CPNE4: variants seen among roughly 807,000 people sequenced by gnomAD.
CPNE4 encodes copine 4, also known as copine-4.
A neutral mutation model predicts 67.9 loss-of-function variants in CPNE4; 25 were observed. The ratio of observed to expected loss-of-function variants is 0.37; its 90% CI spans 0.27 to 0.51. The LOEUF is 0.51. Ranked by LOEUF, CPNE4 falls within the 20% of genes least tolerant of loss-of-function variation. CPNE4 has a pLI of 0.93. For synonymous variants in CPNE4, 242 were observed against 244.9 expected (o/e 0.99, Z 0.11); for missense variants, 464 against 690.8 (o/e 0.67, Z 3.68).
chr3:131,813,380 A>AAT (rs937809943), intron 2 of CPNE4, among the ~76,000 whole-genome samples: 4 of 150,574 alleles, frequency 2.7e-5, no homozygotes, highest in Admixed American at 6.6e-5. Context: ...ACGTTTTTTA[A>AAT]ATATATATAT....
At chr3:131,837,347 T>C (rs2085597903) in intron 2 of CPNE4, among the ~76,000 whole-genome samples, 1 of 152,146 alleles carries the variant, frequency 6.6e-6, no homozygotes, top group South Asian at 2.1e-4. Flanking sequence ...TATCATGAGA[T>C]ATTACACAGC....
intron 2 of CPNE4, among the ~76,000 whole-genome samples, chr3:131,858,210 T>C (rs1400792162): frequency 2.6e-5 from 4 of 152,122 alleles, no homozygotes; most frequent in Non-Finnish European, 5.9e-5. Flanking sequence ...ATCCATTGCA[T>C]TGAACAGGTA....
At chr3:131,973,742 T>C (rs765858594) in intron 1 of CPNE4, among the ~76,000 whole-genome samples, 2 of 152,212 alleles carry the variant, frequency 1.3e-5, no homozygotes, top group Non-Finnish European at 2.9e-5. Context: ...TGAACAGTTA[T>C]AGCAGTGGAA....
intron 2 of CPNE4, among the ~76,000 whole-genome samples, chr3:131,731,374 A>G (rs542238165): frequency 1.3e-5 from 2 of 152,132 alleles, no homozygotes; most frequent in African/African-American, 4.8e-5. Context: ...TCAAGTGCTA[A>G]TATGTTCTGG....
At chr3:131,947,277 G>A (rs2071580438) in intron 1 of CPNE4, among the ~76,000 whole-genome samples, 1 of 151,974 alleles carries the variant, frequency 6.6e-6, no homozygotes, top group Admixed American at 6.6e-5. Context: ...ATGCAGTTTT[G>A]TTACATAGGT....
intron 2 of CPNE4, among the ~76,000 whole-genome samples, chr3:131,741,876 G>A (rs2082366149): frequency 1.3e-5 from 2 of 152,172 alleles, no homozygotes; most frequent in Admixed American, 6.5e-5. Context: ...AATGGAATTG[G>A]AGAAGATAAT....
intron 2 of CPNE4, among the ~76,000 whole-genome samples, chr3:131,857,553 T>C (rs1407200552): frequency 1.3e-5 from 2 of 152,058 alleles, no homozygotes; most frequent in East Asian, 1.9e-4. Context: ...CCCTGAGCCT[T>C]ATTTTCATTT....
chr3:131,720,579 C>A (rs746010146), intron 3 of CPNE4, among the ~76,000 whole-genome samples: 1 of 152,090 alleles, frequency 6.6e-6, no homozygotes, highest in Non-Finnish European at 1.5e-5. Flanking sequence ...CCACCGCGCC[C>A]GGCTAGGAAT....
intron 5 of CPNE4, among the ~76,000 whole-genome samples, chr3:131,691,530 T>C (rs919194274): frequency 2.6e-5 from 4 of 152,098 alleles, no homozygotes; most frequent in South Asian, 2.1e-4. Flanking sequence ...CAGTGGACGA[T>C]GGTGACTACC....
rs539146800 is a variant in CPNE4, at chr3:131,983,403, T to G, written c.-2+51164A>C. 1.5e-4 allele frequency among the ~76,000 whole-genome samples: 23 copies of G among 152,242 alleles called. No individual in the cohort carries two copies. In the East Asian group the frequency reaches 4.4e-3, roughly 29 times the overall value. ...TTTAAAATACATACATATTATAAATTCCTTGCTACGACGTGGAGCTGCACA... is the reference window on the plus strand; with the variant it reads ...TTTAAAATACATACATATTATAAATGCCTTGCTACGACGTGGAGCTGCACA... On this transcript the variant is annotated intron_variant, in intron 1 of 15. Transcript: ENST00000429747.
intron 1 of CPNE4, among the ~76,000 whole-genome samples, chr3:132,004,008 A>T (rs1453736271): frequency 6.6e-6 from 1 of 152,044 alleles, no homozygotes; most frequent in Non-Finnish European, 1.5e-5. Context: ...ATTGGATTTC[A>T]TGATGGAAAT....
At chr3:131,639,736 A>T (rs1487572642) in intron 7 of CPNE4, among the ~76,000 whole-genome samples, 1 of 152,202 alleles carries the variant, frequency 6.6e-6, no homozygotes, top group Non-Finnish European at 1.5e-5. Context: ...ATCCCTGATG[A>T]ACATAGATGC....
chr3:131,944,631 A>C (rs543978845), intron 1 of CPNE4, among the ~76,000 whole-genome samples: 20 of 152,172 alleles, frequency 1.3e-4, no homozygotes, highest in Non-Finnish European at 2.6e-4. Flanking sequence ...AAAAGAAAAA[A>C]AAAGAGTCAT....
chr3:131,608,742 G>T (rs528298533), intron 7 of CPNE4, among the ~76,000 whole-genome samples: 1 of 152,102 alleles, frequency 6.6e-6, no homozygotes, highest in South Asian at 2.1e-4. Context: ...TGACTAGAAG[G>T]GTATAGTAAA....
In CPNE4 at chr3:131,751,695, A is replaced by T. The variant is rs572995478; in HGVS notation, c.181-28070T>A. Among the ~76,000 whole-genome samples, 12 of 151,812 alleles carry T rather than the reference A, an allele frequency of 7.9e-5. No homozygotes were observed. In the South Asian group the frequency reaches 2.5e-3, roughly 32 times the overall value. On this transcript the variant is annotated intron_variant, in intron 2 of 15. Coordinates refer to ENST00000429747, the MANE Select transcript of CPNE4 (RefSeq NM_130808.3). ...GATAATCCTGGCTTTTGGTATGACA[A>T]GTTAAACCTAGACATTTTTTTGTAT...
At chr3:131,705,745 G>A (rs1030985264) in intron 3 of CPNE4, among the ~76,000 whole-genome samples, 3 of 151,720 alleles carry the variant, frequency 2.0e-5, no homozygotes, top group Non-Finnish European at 4.4e-5. Context: ...ATTTCACAGC[G>A]TTCTAATTAC....
At chr3:131,820,156 C>T (rs2084910940) in intron 2 of CPNE4, among the ~76,000 whole-genome samples, 2 of 152,098 alleles carry the variant, frequency 1.3e-5, no homozygotes, top group Admixed American at 1.3e-4. Flanking sequence ...GATTGGGTTC[C>T]CCTGAAAGCA....
chr3:131,613,422 A>G (rs1939959792), intron 7 of CPNE4, among the ~76,000 whole-genome samples: 1 of 152,050 alleles, frequency 6.6e-6, no homozygotes, highest in Admixed American at 6.6e-5. Flanking sequence ...AATGGTGATG[A>G]TTTTCTCAGC....
intron 14 of CPNE4, among the ~76,000 whole-genome samples, chr3:131,544,453 G>T (rs1415998592): frequency 6.6e-6 from 1 of 152,192 alleles, no homozygotes; most frequent in African/African-American, 2.4e-5. Flanking sequence ...ACAGTCTAAT[G>T]TAAAGGCTAA....
Sources: gnomAD v4.1 joint callset for allele counts (sites outside exome capture counted in the v4.1 genomes callset) on GRCh38, gnomAD v4.1.1 for gene constraint, MANE v1.5 for transcripts, NCBI Gene and HGNC (gene_info 2026-07-23, HGNC 2026-07-21) for gene names.